NFIB: variants seen among roughly 807,000 people sequenced by gnomAD.
The protein encoded by NFIB is nuclear factor I B, also known as nuclear factor 1 B-type.
NFIB carries 11 observed loss-of-function variants against 61.5 expected under a neutral mutation model. That is an observed-to-expected ratio of 0.18 (90% CI 0.11 to 0.30). NFIB has a LOEUF of 0.30. NFIB is among the 10% of genes least tolerant of loss of function. The probability of loss-of-function intolerance (pLI) is 1.00; values close to 1 mark genes in which losing one functional copy is unlikely to be tolerated. For synonymous variants in NFIB, 260 were observed against 216.5 expected (o/e 1.20, Z -1.76); for missense variants, 471 against 608.9 (o/e 0.77, Z 2.38).
chr9:14,235,397 C>G (rs373199657), intron 2 of NFIB, among the ~76,000 whole-genome samples: 31 of 152,274 alleles, frequency 2.0e-4, no homozygotes, highest in African/African-American at 7.2e-4. Flanking sequence ...AAGGCCTCAG[C>G]TTCCTTATCT....
rs1257845516 is a variant in NFIB at position 14,120,701 on chromosome 9, G to A, written c.1061-77C>T. 3 of 1,383,144 alleles carry A rather than the reference G, an allele frequency of 2.2e-6. No individual in the cohort carries two copies. Among genetic ancestry groups the A allele is most frequent in the Non-Finnish European group, 2.9e-6 (3 of 1,029,716 alleles). The allele number at this position is 1,383,144 out of a possible 1,614,324, so 85.7% of individuals were successfully genotyped here. A position where few individuals can be genotyped will look rare whatever the true frequency, so the allele number is the denominator to read the frequency against. ...CTCCATTCTGATCCTGAAGAATGCT[G>A]TGAAACTACAAAACTGGTAACCATT... On this transcript the variant is annotated intron_variant, in intron 7 of 10. Transcript: ENST00000380953. The surrounding 1 kb of genome is among the most constrained non-coding windows in gnomAD (Gnocchi z 4.4).
At chr9:14,206,546 C>G (rs992703128) in intron 2 of NFIB, among the ~76,000 whole-genome samples, 19 of 151,800 alleles carry the variant, frequency 1.3e-4, no homozygotes, top group African/African-American at 2.4e-4. Flanking sequence ...GACTTATTAC[C>G]TTTTCTTCCT....
the NFIB span, among the ~76,000 whole-genome samples, chr9:14,441,828 T>G: frequency 6.6e-6 from 1 of 152,186 alleles, no homozygotes; most frequent in East Asian, 1.9e-4. Context: ...ATATATACAA[T>G]GCATTTATTA....
chr9:14,393,057 A>G (rs921985118), intron 1 of NFIB, among the ~76,000 whole-genome samples: 4 of 152,188 alleles, frequency 2.6e-5, no homozygotes, highest in African/African-American at 9.7e-5. Context: ...TTTTTCCAGC[A>G]TTATTCTGTA....
the NFIB span, among the ~76,000 whole-genome samples, chr9:14,411,502 T>C: frequency 5.3e-5 from 8 of 152,078 alleles, no homozygotes; most frequent in Non-Finnish European, 8.8e-5. Flanking sequence ...ATGAGCCCAA[T>C]ATAAGGGCAC....
At chr9:14,162,423 G>A (rs1042327016) in intron 3 of NFIB, among the ~76,000 whole-genome samples, 16 of 151,872 alleles carry the variant, frequency 1.1e-4, no homozygotes, top group Admixed American at 3.3e-4. Flanking sequence ...TACTGAATTC[G>A]TAGATTTAAT....
At chr9:14,372,582 T>C (rs1354126710) in intron 1 of NFIB, among the ~76,000 whole-genome samples, 1 of 152,180 alleles carries the variant, frequency 6.6e-6, no homozygotes, top group Non-Finnish European at 1.5e-5. Context: ...CTAATTACAG[T>C]AAGAGACACT....
At chr9:14,520,192 C>G in the NFIB span, among the ~76,000 whole-genome samples, 2 of 152,124 alleles carry the variant, frequency 1.3e-5, no homozygotes, top group Non-Finnish European at 2.9e-5. Flanking sequence ...TTCTATCTAT[C>G]TAATTGTAAT....
At chr9:14,526,397 C>T in the NFIB span, among the ~76,000 whole-genome samples, 1 of 152,106 alleles carries the variant, frequency 6.6e-6, no homozygotes, top group Non-Finnish European at 1.5e-5. Context: ...ACTTTCTTTT[C>T]TCCTGGCTCT....
intron 2 of NFIB, among the ~76,000 whole-genome samples, chr9:14,256,056 C>T (rs1324589413): frequency 3.9e-5 from 6 of 152,224 alleles, no homozygotes. Context: ...ACCAATGGTG[C>T]CTGCCCCACA....
chr9:14,314,169 A>T, upstream of NFIB: 1 of 105,730 alleles, frequency 9.5e-6, no homozygotes, highest in Non-Finnish European at 1.2e-5. Context: ...CGCGCGGGAG[A>T]GGGCCGGGGT....
chr9:14,436,954 A>C, the NFIB span, among the ~76,000 whole-genome samples: 1 of 152,182 alleles, frequency 6.6e-6, no homozygotes, highest in African/African-American at 2.4e-5. Context: ...AAGTTTTCAA[A>C]TGAGGTTGAA....
At chr9:14,451,590 G>C in the NFIB span, among the ~76,000 whole-genome samples, 1 of 152,146 alleles carries the variant, frequency 6.6e-6, no homozygotes, top group Non-Finnish European at 1.5e-5. Context: ...TTTGACAATA[G>C]TTTCTAAGCA....
At chr9:14,153,335 G>C (rs557729454) in intron 4 of NFIB, among the ~76,000 whole-genome samples, 85 of 152,196 alleles carry the variant, frequency 5.6e-4, no homozygotes, top group African/African-American at 1.9e-3. Flanking sequence ...TAATGACAGA[G>C]TGTGTGGGAA....
chr9:14,374,454 C>T (rs2061393864), intron 1 of NFIB, among the ~76,000 whole-genome samples: 1 of 152,134 alleles, frequency 6.6e-6, no homozygotes, highest in Admixed American at 6.5e-5. Context: ...CAGTAAATGT[C>T]CCCTAGAGTC....
intron 2 of NFIB, among the ~76,000 whole-genome samples, chr9:14,281,387 C>T (rs756155765): frequency 1.3e-5 from 2 of 152,076 alleles, no homozygotes; most frequent in Non-Finnish European, 2.9e-5. Flanking sequence ...TGGAGAGACA[C>T]GTAACTCAAG....
intron 8 of NFIB, among the ~76,000 whole-genome samples, chr9:14,116,606 T>C (rs748394387): frequency 6.4e-4 from 97 of 152,358 alleles, no homozygotes; most frequent in Admixed American, 2.0e-3. Context: ...GAGAGCCAGG[T>C]AGACTTGATC....
At chr9:14,470,745 C>G in the NFIB span, among the ~76,000 whole-genome samples, 14,667 of 152,200 alleles carry the variant, frequency 0.096, 748 homozygotes, top group Admixed American at 0.1. Context: ...TGATTTCTGC[C>G]GAAACTAGGA....
chr9:14,481,542 G>A, the NFIB span, among the ~76,000 whole-genome samples: 4 of 151,602 alleles, frequency 2.6e-5, no homozygotes, highest in African/African-American at 9.7e-5. Flanking sequence ...ATAAGCTTTC[G>A]GCCTTTCTCT....
Sources: gnomAD v4.1 joint callset for allele counts (sites outside exome capture counted in the v4.1 genomes callset) on GRCh38, gnomAD v4.1.1 for gene constraint, Gnocchi (gnomAD v3.1) non-coding constraint, MANE v1.5 for transcripts, NCBI Gene and HGNC (gene_info 2026-07-23, HGNC 2026-07-21) for gene names.